The following RPA2 variants were observed in gnomAD, a reference collection of about 807,000 sequenced individuals.
RPA2 encodes the protein replication protein A2.
A neutral mutation model predicts 33.4 loss-of-function variants in RPA2; 22 were observed. That is an observed-to-expected ratio of 0.66 (90% CI 0.47 to 0.94). RPA2 has a LOEUF of 0.94. Ranked by LOEUF, RPA2 falls within the 40% of genes least tolerant of loss-of-function variation. The pLI is 0.00. For missense variants in RPA2, 279 were observed against 329.9 expected, an observed-to-expected ratio of 0.85 and a Z score of 1.19; for synonymous variants, 109 against 114.9, an observed-to-expected ratio of 0.95 and a Z score of 0.33.
intron 6 of RPA2, among the ~76,000 whole-genome samples, chr1:27,896,317 C>T (rs1441508914): frequency 6.6e-6 from 1 of 152,036 alleles, no homozygotes; most frequent in Non-Finnish European, 1.5e-5. Context: ...CTCAGCCTTC[C>T]AAGTAGCCCA....
chr1:27,894,075 G>T lies in RPA2; in HGVS notation c.665C>A (p.Pro222His). Reference sequence around the variant, plus strand: ...GAGATCCTGAAAGTTCAACCCTTCAGGTCTTGGACAAGCCTTAATCAAATT... The same window carrying T: ...GAGATCCTGAAAGTTCAACCCTTCATGTCTTGGACAAGCCTTAATCAAATT... Reference protein sequence around the residue: ...VLNLIKACPRPEGLNFQDLKN... With the variant: ...VLNLIKACPRHEGLNFQDLKN... Residue 222 changes from proline to histidine, a missense_variant, in exon 8 of 9, where the codon CCT (proline) becomes CAT (histidine). Around this residue, in one of 2 missense-constraint regions of RPA2, gnomAD observed 274 missense variants for 310.3 expected, o/e 0.88. Transcript: ENST00000373912. 2 of 1,614,080 alleles carry T rather than the reference G, an allele frequency of 1.2e-6. No individual in the cohort carries two copies. Among genetic ancestry groups the T allele is most frequent in the Non-Finnish European group, 1.7e-6 (2 of 1,179,982 alleles).
chr1:27,912,011 G>A (rs1463861705), intron 2 of RPA2, among the ~76,000 whole-genome samples: 3 of 151,818 alleles, frequency 2.0e-5, no homozygotes, highest in Admixed American at 6.6e-5. Context: ...GGAGAATGGC[G>A]TGAAGCCGGG....
chr1:27,894,267 G>T, intron 7 of RPA2, 23 bp downstream of exon 7: 1 of 1,602,344 alleles, frequency 6.2e-7, no homozygotes. Flanking sequence ...TTGTATTTCT[G>T]AAGCCACTCT....
At chr1:27,897,401 G>A (rs1224643197) in intron 5 of RPA2, among the ~76,000 whole-genome samples, 1 of 151,378 alleles carries the variant, frequency 6.6e-6, no homozygotes. Flanking sequence ...ACTAATGAAC[G>A]CCACAGATAG....
At chr1:27,897,870 G>C (rs899168975) in intron 4 of RPA2, among the ~76,000 whole-genome samples, 163 bp from the exon 5 acceptor site, 3 of 152,148 alleles carry the variant, frequency 2.0e-5, no homozygotes, top group Admixed American at 6.5e-5. Flanking sequence ...AACTTATTTT[G>C]TAAAACCAGG....
intron 4 of RPA2, among the ~76,000 whole-genome samples, chr1:27,899,665 A>G (rs1015756065): frequency 6.6e-6 from 1 of 152,062 alleles, no homozygotes; most frequent in Non-Finnish European, 1.5e-5. Flanking sequence ...AAGAAACCAT[A>G]GAAATAATAT....
At position 27,907,207 on chromosome 1, in the gene RPA2, T is replaced by C. The variant is rs1372414426; in HGVS notation, c.193A>G (p.Arg65Gly). 3 of 1,614,084 alleles carry C rather than the reference T, an allele frequency of 1.9e-6. No individual in the cohort carries two copies. The highest frequency in any genetic ancestry group is 2.2e-5 in the South Asian group (2 of 91,066). Residue 65 changes from arginine to glycine, a missense_variant, in exon 3 of 9, where the codon AGA becomes GGA. Physicochemically the swap from Arg to Gly is moderately radical, Grantham distance 125. This residue lies in a region of RPA2 where 274 missense variants were observed against 310.3 expected (regional missense o/e 0.88). Coordinates refer to ENST00000373912, the MANE Select transcript of RPA2 (RefSeq NM_002946.5). ...TGTGAAATCTCAACATTCCCAATTC[T>C]GAACACTTCATCAACCAAAGTGGCA... ...LSATLVDEVF[R>G]IGNVEISQVT...
At chr1:27,901,822 A>C (rs548946224) in intron 4 of RPA2, among the ~76,000 whole-genome samples, 5 of 151,822 alleles carry the variant, frequency 3.3e-5, no homozygotes, top group African/African-American at 1.2e-4. Context: ...CTGGTCTTGA[A>C]ATTCTGGCCT....
rs28988904 is a variant in RPA2, at chr1:27,909,965, T to C, written c.118-2683A>G. Among the ~76,000 whole-genome samples the C allele has an allele frequency of 5.0e-3, 755 of 152,334 alleles. 3 individuals carry two copies. Among genetic ancestry groups the C allele is most frequent in the Non-Finnish European group, 8.0e-3 (544 of 68,032 alleles). On this transcript the variant is annotated intron_variant, in intron 2 of 8. Coordinates refer to ENST00000373912, the MANE Select transcript of RPA2 (RefSeq NM_002946.5). ...GATCAACTTTTTCAATTTTACTTTA[T>C]GGTATTTTATAGGTAAAGTTACATG...
At chr1:27,913,775 TA>T (rs1321696026) in intron 2 of RPA2, among the ~76,000 whole-genome samples, 1 of 151,900 alleles carries the variant, frequency 6.6e-6, no homozygotes, top group Admixed American at 6.6e-5. Context: ...AAAATAAATT[TA>T]AAAACCAAGT....
rs897312431 is a variant in RPA2 at position 27,894,302 on chromosome 1, C to T, written c.621G>A (p.Val207=). 1 of 1,613,718 alleles carries T rather than the reference C, an allele frequency of 6.2e-7. No individual in the cohort carries two copies. The highest frequency in any genetic ancestry group is 8.5e-7 in the Non-Finnish European group (1 of 1,179,898). ...TGGTGGAGGTTACCTGGTTTTGGGC[C>T]ACAGTGAGGCCATTTGCTGGCATGA... ...NSFMPANGLT[V]AQNQVLNLIK... is the part of the protein sequence containing the mutation. The change falls in exon 7 of 9, where the codon GTG becomes GTA. Residue 207 remains valine (V), a synonymous_variant. Coordinates refer to ENST00000373912, the MANE Select transcript of RPA2 (RefSeq NM_002946.5).
chr1:27,914,754 A>G (rs1467487223), upstream of RPA2: 12 of 1,362,488 alleles, frequency 8.8e-6, no homozygotes, highest in Middle Eastern at 1.8e-4. Flanking sequence ...AGCGGAAGCA[A>G]GGGGCTGGCA....
chr1:27,914,688 A>C, upstream of RPA2: 1 of 1,612,324 alleles, frequency 6.2e-7, no homozygotes, highest in Non-Finnish European at 8.5e-7. Flanking sequence ...CTGCGCTCCC[A>C]GTTGGCTCCA....
chr1:27,905,990 A>G (rs932344654), intron 4 of RPA2, among the ~76,000 whole-genome samples: 9 of 152,046 alleles, frequency 5.9e-5, no homozygotes, highest in African/African-American at 1.9e-4. Flanking sequence ...TATTTTCCAC[A>G]TTCATTTAAA....
chr1:27,903,578 G>A (rs1354286674), intron 4 of RPA2, among the ~76,000 whole-genome samples: 1 of 151,774 alleles, frequency 6.6e-6, no homozygotes, highest in Non-Finnish European at 1.5e-5. Flanking sequence ...AATCAGTTGG[G>A]TGTGGTGGTG....
chr1:27,907,331 A>C, intron 2 of RPA2, 49 bp from the exon 3 acceptor site: 2 of 1,394,378 alleles, frequency 1.4e-6, no homozygotes, highest in Non-Finnish European at 2.0e-6. Context: ...AATAACTACC[A>C]CTCATTCAAC....
At chr1:27,911,739 G>A (rs2090099286) in intron 2 of RPA2, among the ~76,000 whole-genome samples, 1 of 152,142 alleles carries the variant, frequency 6.6e-6, no homozygotes, top group South Asian at 2.1e-4. Flanking sequence ...CTGAGTCTCT[G>A]TTAGTATGCT....
chr1:27,902,346 A>C (rs2089978394), intron 4 of RPA2, among the ~76,000 whole-genome samples: 1 of 150,612 alleles, frequency 6.6e-6, no homozygotes, highest in Admixed American at 6.6e-5. Context: ...ACTGGTGTGA[A>C]GATCTCCGCT....
At chr1:27,900,609 G>A (rs1330576170) in intron 4 of RPA2, among the ~76,000 whole-genome samples, 1 of 152,048 alleles carries the variant, frequency 6.6e-6, no homozygotes, top group East Asian at 1.9e-4. Context: ...TAGAAATGGA[G>A]CTTAAAGATA....
Sources: allele counts gnomAD v4.1 joint callset (sites outside exome capture counted in the v4.1 genomes callset), GRCh38; gene constraint gnomAD v4.1.1; regional missense constraint gnomAD v4.1.1; transcripts MANE v1.5; gene names NCBI Gene and HGNC (gene_info 2026-07-23, HGNC 2026-07-21).